ENPEP: variants seen among roughly 807,000 people sequenced by gnomAD.
ENPEP encodes glutamyl aminopeptidase.
Under a neutral mutation model 114.5 loss-of-function variants are expected in ENPEP, and 103 were observed. The ratio of observed to expected loss-of-function variants is 0.90; its 90% CI spans 0.77 to 1.06. The LOEUF is 1.06. ENPEP is among the 50% of genes least tolerant of loss of function. ENPEP has a pLI of 0.00. For synonymous variants in ENPEP, 420 were observed against 422.0 expected (o/e 1.00, Z 0.06); for missense variants, 1,196 against 1,161.3 (o/e 1.03, Z -0.43).
At chr4:110,500,144 G>A (rs1205645823) in intron 3 of ENPEP, 2 of 152,122 alleles carry the variant, frequency 1.3e-5, no homozygotes, top group African/African-American at 4.8e-5. Context: ...GTGGCAAAGG[G>A]ACACGTAAAG....
At chr4:110,551,265 G>A (rs916067597) in intron 17 of ENPEP, among the ~76,000 whole-genome samples, 2 of 151,998 alleles carry the variant, frequency 1.3e-5, no homozygotes, top group Non-Finnish European at 2.9e-5. Flanking sequence ...AGGATCCCAC[G>A]ACTTTAGTGC....
chr4:110,551,453 A>T (rs918419969), intron 17 of ENPEP, among the ~76,000 whole-genome samples: 3 of 152,170 alleles, frequency 2.0e-5, no homozygotes, highest in African/African-American at 7.2e-5. Flanking sequence ...TTAACCATTT[A>T]CAGAGTCTTC....
At position 110,509,654 on chromosome 4, in the gene ENPEP, T is replaced by TA. The variant is rs1366447093; in HGVS notation, c.1045dup (p.Ile349AsnfsTer27). 6.2e-7 allele frequency: 1 copy of TA among 1,611,782 alleles called. No homozygotes were observed. On this transcript the variant is annotated frameshift_variant and splice_region_variant, in exon 5 of 20. Transcript: ENST00000265162. LOFTEE classifies it high-confidence loss of function. ...ACTGGACTCTTTCTTCTTCTATAGA[T>TA]AAAATCGCTATTCCAGATTTTGGCA...
chr4:110,484,485 T>C (rs573105313), intron 1 of ENPEP, among the ~76,000 whole-genome samples: 84 of 152,128 alleles, frequency 5.5e-4, no homozygotes, highest in African/African-American at 1.9e-3. Flanking sequence ...TGTATCTATA[T>C]CTGGGTCACT....
intron 3 of ENPEP, among the ~76,000 whole-genome samples, chr4:110,505,367 C>T (rs898214704): frequency 1.3e-5 from 2 of 151,250 alleles, no homozygotes; most frequent in Non-Finnish European, 2.9e-5. Flanking sequence ...GTGCCGTCTT[C>T]GGAGGTGAAG....
chr4:110,484,872 C>A (rs1431472906), intron 1 of ENPEP, among the ~76,000 whole-genome samples: 3 of 151,364 alleles, frequency 2.0e-5, no homozygotes, highest in Non-Finnish European at 4.4e-5. Context: ...AATTCCACTT[C>A]CTCCTTCCTC....
chr4:110,499,951 A>C (rs1365795350), intron 3 of ENPEP: 2 of 152,174 alleles, frequency 1.3e-5, no homozygotes, highest in Non-Finnish European at 2.9e-5. Flanking sequence ...TTCCTTGAAA[A>C]AATTTAAGTT....
At chr4:110,558,835 A>G (rs545819031) in intron 18 of ENPEP, among the ~76,000 whole-genome samples, 82 of 152,300 alleles carry the variant, frequency 5.4e-4, no homozygotes, top group Admixed American at 1.2e-3. Context: ...TATCATCTTT[A>G]AAATTCTGTC....
chr4:110,489,443 G>A (rs952705658), intron 2 of ENPEP, among the ~76,000 whole-genome samples: 13 of 152,094 alleles, frequency 8.5e-5, no homozygotes, highest in Non-Finnish European at 1.8e-4. Context: ...AGCATTTGGA[G>A]AAATACCTAA....
intron 3 of ENPEP, among the ~76,000 whole-genome samples, chr4:110,501,748 T>G (rs1179711241): frequency 1.3e-5 from 2 of 152,220 alleles, no homozygotes. Flanking sequence ...GATGAACGTA[T>G]GGAGGCCTGT....
At chr4:110,544,627 A>G (rs1726983418) in intron 13 of ENPEP, among the ~76,000 whole-genome samples, 1 of 152,284 alleles carries the variant, frequency 6.6e-6, no homozygotes, top group East Asian at 1.9e-4. Flanking sequence ...AAACAGAATC[A>G]TTTAGTTTTT....
At chr4:110,510,988 T>C (rs1213430379) in intron 6 of ENPEP, among the ~76,000 whole-genome samples, 1 of 152,212 alleles carries the variant, frequency 6.6e-6, no homozygotes, top group African/African-American at 2.4e-5. Context: ...AGGCCTGGAA[T>C]AGAAACTTTT....
chr4:110,491,234 A>ATT, intron 3 of ENPEP, 70 bp downstream of exon 3: 53 of 916,820 alleles, frequency 5.8e-5, no homozygotes, highest in Non-Finnish European at 6.5e-5. Context: ...TTTTTTGGGT[A>ATT]GTTTTTTTTT....
intron 18 of ENPEP, 183 bp downstream of exon 18, chr4:110,553,638 T>C (rs1307438771): frequency 4.2e-6 from 2 of 473,454 alleles, no homozygotes; most frequent in Admixed American, 4.1e-5. Flanking sequence ...TAAGAACAAT[T>C]TTTTTCTGGA....
chr4:110,529,045 A>G (rs756451870), intron 10 of ENPEP, among the ~76,000 whole-genome samples: 1 of 152,136 alleles, frequency 6.6e-6, no homozygotes, highest in African/African-American at 2.4e-5. Context: ...TTATCTTATG[A>G]TACTCTTAAA....
At chr4:110,560,563 A>G (rs1727643343) in intron 19 of ENPEP, among the ~76,000 whole-genome samples, 1 of 152,180 alleles carries the variant, frequency 6.6e-6, no homozygotes, top group South Asian at 2.1e-4. Context: ...AAGAAAGTTT[A>G]AAAGCTGCAA....
chr4:110,536,032 G>A (rs200331183), intron 11 of ENPEP, among the ~76,000 whole-genome samples: 13 of 148,770 alleles, frequency 8.7e-5, no homozygotes, highest in African/African-American at 2.5e-4. Context: ...GCTTGAACCC[G>A]GGAGGCGGAG....
At chr4:110,559,524 T>G in intron 18 of ENPEP, 123 bp from the exon 19 acceptor site, 1 of 679,238 alleles carries the variant, frequency 1.5e-6, no homozygotes, top group Non-Finnish European at 2.5e-6. Context: ...TTTCTTACTG[T>G]GTTTTGCTTA....
chr4:110,504,769 G>C (rs186316570), intron 3 of ENPEP, among the ~76,000 whole-genome samples: 7 of 152,334 alleles, frequency 4.6e-5, no homozygotes, highest in Non-Finnish European at 7.3e-5. Context: ...CATTGTCTCA[G>C]AAGCATACTG....
Sources: gnomAD v4.1 joint callset for allele counts (sites outside exome capture counted in the v4.1 genomes callset) on GRCh38, gnomAD v4.1.1 for gene constraint, MANE v1.5 for transcripts, NCBI Gene and HGNC (gene_info 2026-07-23, HGNC 2026-07-21) for gene names.